The following C5 variants were observed in gnomAD, a reference collection of about 807,000 sequenced individuals.
C5 encodes the protein complement C5.
In C5, 140 loss-of-function variants were observed where a neutral mutation model predicts 218.8. The observed-to-expected ratio is 0.64, with a 90% CI of 0.56 to 0.74. C5 has a LOEUF of 0.74. Ranked by LOEUF, C5 falls within the 30% of genes least tolerant of loss-of-function variation. The probability of loss-of-function intolerance (pLI) is 0.00; values close to 1 mark genes in which losing one functional copy is unlikely to be tolerated. For missense variants in C5, 1,700 were observed against 1,969.6 expected (o/e 0.86, Z 2.59); for synonymous variants, 614 against 682.3 (o/e 0.90, Z 1.56).
intron 26 of C5, 139 bp from the exon 27 acceptor site, chr9:120,982,078 C>A: frequency 1.4e-6 from 1 of 697,404 alleles, no homozygotes; most frequent in South Asian, 1.5e-5. Context: ...ATGGCTTGAT[C>A]TTGGCTCACT....
At chr9:121,064,961 T>C in the C5 span, among the ~76,000 whole-genome samples, 5 of 151,960 alleles carry the variant, frequency 3.3e-5, no homozygotes, top group African/African-American at 7.3e-5. Context: ...TCCCAGCTAC[T>C]CAGGAGGCTG....
Position 121,027,171 on chromosome 9 carries a change from G to C in C5, c.862C>G (p.Gln288Glu). 6.4e-7 allele frequency: 1 copy of C among 1,556,204 alleles called. No homozygotes were observed. The highest frequency in any genetic ancestry group is 8.8e-7 in the Non-Finnish European group (1 of 1,131,686). The change falls in exon 8 of 41, where the codon CAA (glutamine) becomes GAA (glutamate). Residue 288 changes from glutamine to glutamate, a missense_variant. By Grantham distance (29) the Gln-to-Glu change is conservative (BLOSUM62 2). Coordinates refer to ENST00000223642, the MANE Select transcript of C5 (RefSeq NM_001735.3). ...TCTTAACATCTTACCATTGTGTTTT[G>C]CATTGCTGTTTGCATCATTTCTTTT... ...DQKEMMQTAM[Q>E]NTMLINGIAQ...
chr9:120,979,450 G>C (rs895340066), intron 28 of C5: 1 of 152,338 alleles, frequency 6.6e-6, no homozygotes, highest in African/African-American at 2.4e-5. Flanking sequence ...TGTCTCCCCA[G>C]TTAGAATTTA....
At chr9:121,023,708 A>T (rs2047387152) in intron 9 of C5, among the ~76,000 whole-genome samples, 189 bp from the exon 10 acceptor site, 1 of 152,188 alleles carries the variant, frequency 6.6e-6, no homozygotes, top group East Asian at 1.9e-4. Flanking sequence ...AAGAGTTTAG[A>T]CCTCAGGAGT....
intron 30 of C5, among the ~76,000 whole-genome samples, chr9:120,972,530 C>T (rs1395587777): frequency 6.6e-6 from 1 of 152,130 alleles, no homozygotes; most frequent in African/African-American, 2.4e-5. Context: ...GCAGAAACCC[C>T]TGGTACCCCA....
At chr9:121,073,338 C>G in the C5 span, among the ~76,000 whole-genome samples, 7 of 152,294 alleles carry the variant, frequency 4.6e-5, no homozygotes, top group Middle Eastern at 3.4e-3. Context: ...TTCTTCCCCA[C>G]CTCCCTACTC....
intron 22 of C5, among the ~76,000 whole-genome samples, chr9:120,994,974 T>C (rs1325734414): frequency 6.6e-6 from 1 of 151,246 alleles, no homozygotes; most frequent in Non-Finnish European, 1.5e-5. Context: ...CTTTTGAGGC[T>C]TGATATAATT....
chr9:120,979,169 C>T (rs974554940), intron 28 of C5, among the ~76,000 whole-genome samples: 5 of 152,196 alleles, frequency 3.3e-5, no homozygotes, highest in African/African-American at 4.8e-5. Context: ...GGCCTCCTTG[C>T]CATTCTTGGA....
At chr9:121,023,327 G>A in intron 10 of C5, 77 bp downstream of exon 10, 2 of 931,688 alleles carry the variant, frequency 2.1e-6, no homozygotes, top group African/African-American at 1.6e-5. Context: ...TTCTTACCCT[G>A]TTTGCCACCC....
At chr9:120,983,036 C>T (rs1184366794) in intron 25 of C5, among the ~76,000 whole-genome samples, 4 of 152,082 alleles carry the variant, frequency 2.6e-5, no homozygotes, top group Admixed American at 6.5e-5. Flanking sequence ...CAACATTGTC[C>T]GCTAGCACAC....
intron 14 of C5, among the ~76,000 whole-genome samples, chr9:121,016,753 T>C (rs1446759347): frequency 6.6e-6 from 1 of 152,232 alleles, no homozygotes; most frequent in Non-Finnish European, 1.5e-5. Context: ...AAATTAATTT[T>C]AAGTTGCTTT....
chr9:121,008,004 G>A (rs1438647773), intron 18 of C5, among the ~76,000 whole-genome samples: 2 of 152,130 alleles, frequency 1.3e-5, no homozygotes, highest in African/African-American at 4.8e-5. Context: ...GTGGTATAGA[G>A]GAAGTGTTTC....
At chr9:121,035,265 C>T (rs10739584) in intron 4 of C5, among the ~76,000 whole-genome samples, 113,889 of 152,078 alleles carry the variant, frequency 0.75, 43,038 homozygotes, top group East Asian at 0.96. Context: ...GCTTTATAAA[C>T]ACCAGAATCT....
At chr9:120,964,371 CAGG>C (rs2046850623) in intron 33 of C5, among the ~76,000 whole-genome samples, 1 of 152,150 alleles carries the variant, frequency 6.6e-6, no homozygotes, top group Non-Finnish European at 1.5e-5. Flanking sequence ...ATCCTAACTA[CAGG>C]AGAATTGCTT....
chr9:120,972,136 C>A, intron 30 of C5, 144 bp from the exon 31 acceptor site: 1 of 711,302 alleles, frequency 1.4e-6, no homozygotes, highest in Non-Finnish European at 2.5e-6. Flanking sequence ...CACTGAAAAT[C>A]CTATGCCCAT....
chr9:121,001,999 A>T (rs1043900383), intron 20 of C5, among the ~76,000 whole-genome samples: 2 of 151,814 alleles, frequency 1.3e-5, no homozygotes, highest in Non-Finnish European at 2.9e-5. Context: ...AATAAATTAT[A>T]GTATACCCAC....
chr9:121,030,539 T>G, intron 6 of C5, 52 bp from the exon 7 acceptor site: 1 of 1,067,348 alleles, frequency 9.4e-7, no homozygotes, highest in South Asian at 1.5e-5. Flanking sequence ...GAGCAGACTT[T>G]AAAGCCTAGC....
chr9:121,074,769 A>AT, the C5 span: 1 of 454,024 alleles, frequency 2.2e-6, no homozygotes, highest in East Asian at 7.0e-5. Flanking sequence ...ACGCAATCCG[A>AT]AGGCGAAGGC....
chr9:121,034,432 T>C (rs2047505373), intron 5 of C5, among the ~76,000 whole-genome samples: 1 of 152,202 alleles, frequency 6.6e-6, no homozygotes, highest in South Asian at 2.1e-4. Flanking sequence ...TGGTAGTTTA[T>C]CCAGGCAAAA....
Sources: allele counts gnomAD v4.1 joint callset (sites outside exome capture counted in the v4.1 genomes callset), GRCh38; gene constraint gnomAD v4.1.1; transcripts MANE v1.5; gene names NCBI Gene and HGNC (gene_info 2026-07-23, HGNC 2026-07-21).